GPN2: variants seen among roughly 807,000 people sequenced by gnomAD.
GPN2 encodes the protein GPN-loop GTPase 2.
In GPN2, 27 loss-of-function variants were observed where a neutral mutation model predicts 30.1. That is an observed-to-expected ratio of 0.90 (90% CI 0.66 to 1.24). The LOEUF (loss-of-function observed/expected upper bound fraction) is 1.24, where lower values mean the gene tolerates loss of function less well. Ranked by LOEUF, GPN2 falls within the 50% of genes most tolerant of loss-of-function variation. The probability of loss-of-function intolerance (pLI) is 0.00; values close to 1 mark genes in which losing one functional copy is unlikely to be tolerated. For synonymous variants in GPN2, 212 were observed against 174.4 expected (o/e 1.22, Z -1.70); for missense variants, 406 against 405.4 (o/e 1.00, Z -0.01).
chr1:26,884,621 G>A (rs1418616402), intron 3 of GPN2, among the ~76,000 whole-genome samples: 1 of 152,140 alleles, frequency 6.6e-6, no homozygotes, highest in Non-Finnish European at 1.5e-5. Context: ...GTCATCTGTC[G>A]CAGTATTCCC....
chr1:26,884,938 C>T lies in GPN2; in HGVS notation c.730-648G>A, dbSNP rs552495107. On this transcript the variant is annotated intron_variant, in intron 3 of 4. Coordinates refer to ENST00000374135, the MANE Select transcript of GPN2 (RefSeq NM_018066.4). ...CAGAGGTTGCAGTGAGCCAAGATAACGCACTGCACTCCAGCCTGGGTGACA... is the reference window on the plus strand; with the variant it reads ...CAGAGGTTGCAGTGAGCCAAGATAATGCACTGCACTCCAGCCTGGGTGACA... Among the ~76,000 whole-genome samples, 4 of 152,144 alleles carry T rather than the reference C, an allele frequency of 2.6e-5. No homozygotes were observed. The South Asian group carries it at 6.2e-4, about 24-fold the overall frequency.
chr1:26,882,090 G>A (rs768372964), intron 4 of GPN2, among the ~76,000 whole-genome samples: 4 of 151,864 alleles, frequency 2.6e-5, no homozygotes, highest in Admixed American at 6.6e-5. Context: ...GGTGGCGGGC[G>A]CCTATTATCC....
chr1:26,878,765 A>T lies in GPN2; in HGVS notation c.*912T>A, dbSNP rs554595065. On this transcript the variant is annotated 3_prime_UTR_variant, in exon 5 of 5. Coordinates refer to ENST00000374135, the MANE Select transcript of GPN2 (RefSeq NM_018066.4). ...ACGCGCCACCTATGCCCAGCTAATT[A>T]AAAAAATTTTTTGGTAGAGATGGGG... The T allele has an allele frequency of 6.6e-6, 1 of 151,466 alleles. No individual in the cohort carries two copies. Among genetic ancestry groups the T allele is most frequent in the South Asian group, 2.1e-4 (1 of 4,798 alleles). The allele number at this position is 151,466 out of a possible 1,614,324, so 9.4% of individuals were successfully genotyped here.
Position 26,881,775 on chromosome 1 carries a change from G to A in GPN2, c.861-2026C>T, listed in dbSNP as rs557335410. Among the ~76,000 whole-genome samples the A allele has an allele frequency of 4.6e-5, 7 of 152,212 alleles. No individual in the cohort carries two copies. The East Asian group carries it at 9.7e-4, about 21-fold the overall frequency. On this transcript the variant is annotated intron_variant, in intron 4 of 4. Transcript: ENST00000374135. The stretch of plus-strand genomic sequence containing the variant: ...TAAACTGCCCTTCCCAGCTGGGGAC[G>A]ATGGCTCATGCCTGTGATCCCAGCA...
Position 26,890,171 on chromosome 1 carries a change from G to C in GPN2, c.-75C>G, listed in dbSNP as rs1178077865. 3 of 1,293,520 alleles carry C rather than the reference G, an allele frequency of 2.3e-6. No homozygotes were observed. Among genetic ancestry groups the C allele is most frequent in the Non-Finnish European group, 3.1e-6 (3 of 968,228 alleles). The allele number at this position is 1,293,520 out of a possible 1,614,324, so 80.1% of individuals were successfully genotyped here. A position where few individuals can be genotyped will look rare whatever the true frequency, so the allele number is the denominator to read the frequency against. The stretch of plus-strand genomic sequence containing the variant: ...GTAGCCGCGCCGGAGACGAGACTGA[G>C]GGCGAGGGTCCCAGTACGTATACCT... On this transcript the variant is annotated 5_prime_UTR_variant, in exon 1 of 5. Coordinates refer to ENST00000374135, the MANE Select transcript of GPN2 (RefSeq NM_018066.4).
At position 26,889,389 on chromosome 1, in the gene GPN2, C is replaced by T. The variant is rs141268817; in HGVS notation, c.412-264G>A. On this transcript the variant is annotated intron_variant, in intron 1 of 4. Transcript: ENST00000374135. Reference sequence around the variant, plus strand: ...ACTCCACTCTTTCATTTACTTTTGCCCACCAATTTACAACAATCTCCATGC... The same window carrying T: ...ACTCCACTCTTTCATTTACTTTTGCTCACCAATTTACAACAATCTCCATGC... Among the ~76,000 whole-genome samples the T allele has an allele frequency of 2.8e-4, 42 of 152,234 alleles. 1 individual carries two copies. In the East Asian group the frequency reaches 6.0e-3, roughly 22 times the overall value.
At chr1:26,879,807 G>T in intron 4 of GPN2, 58 bp from the exon 5 acceptor site, 1 of 1,222,224 alleles carries the variant, frequency 8.2e-7, no homozygotes, top group Non-Finnish European at 1.2e-6. Flanking sequence ...GCTGGTCTGG[G>T]CAGGATCTGA....
rs1345251960 is a variant in GPN2 at position 26,890,112 on chromosome 1, C to G, written c.-16G>C. 1.3e-6 allele frequency: 2 copies of G among 1,497,606 alleles called. No individual in the cohort carries two copies. Among genetic ancestry groups the G allele is most frequent in the Non-Finnish European group, 1.8e-6 (2 of 1,130,788 alleles). 92.8% of individuals were successfully genotyped at this position (1,497,606 alleles called of 1,614,324 possible). A position where few individuals can be genotyped will look rare whatever the true frequency, so the allele number is the denominator to read the frequency against. ...CCCCTGCCATTGGCGGCCCGCGGCCCGGAGCAGGTCAACTCACAGGGAAAA... is the reference window on the plus strand; with the variant it reads ...CCCCTGCCATTGGCGGCCCGCGGCCGGGAGCAGGTCAACTCACAGGGAAAA... On this transcript the variant is annotated 5_prime_UTR_variant, in exon 1 of 5. Coordinates refer to ENST00000374135, the MANE Select transcript of GPN2 (RefSeq NM_018066.4).
At chr1:26,882,460 C>A (rs1297333104) in intron 4 of GPN2, among the ~76,000 whole-genome samples, 5 of 152,160 alleles carry the variant, frequency 3.3e-5, no homozygotes, top group African/African-American at 9.7e-5. Context: ...CTCCTTAGTA[C>A]CTTCATCAGG....
chr1:26,883,899 G>A (rs942494195), intron 4 of GPN2, among the ~76,000 whole-genome samples: 2 of 151,994 alleles, frequency 1.3e-5, no homozygotes, highest in African/African-American at 2.4e-5. Context: ...AATTAGCTGG[G>A]CGTGGTGGTG....
At chr1:26,879,879 C>T (rs886350397) in intron 4 of GPN2, 130 bp from the exon 5 acceptor site, 7 of 682,200 alleles carry the variant, frequency 1.0e-5, no homozygotes, top group Non-Finnish European at 1.6e-5. Context: ...TTATAGGGAC[C>T]AATCAGGTAT....
At chr1:26,888,561 T>C (rs915382415) in intron 2 of GPN2, among the ~76,000 whole-genome samples, 1 of 152,238 alleles carries the variant, frequency 6.6e-6, no homozygotes, top group Non-Finnish European at 1.5e-5. Flanking sequence ...CTTCTCACCA[T>C]TCATGTCTCA....
chr1:26,884,312 A>C, intron 3 of GPN2, 22 bp from the exon 4 acceptor site: 1 of 1,591,440 alleles, frequency 6.3e-7, no homozygotes, highest in Non-Finnish European at 8.5e-7. Context: ...GGAGAGAAAC[A>C]GTTCTGTGAG....
Position 26,890,038 on chromosome 1 carries a change from G to T in GPN2, c.59C>A (p.Ser20Ter). Residue 20 changes from serine to a stop codon, truncating the protein, a stop_gained, in exon 1 of 5, where the codon TCA becomes TAA. Coordinates refer to ENST00000374135, the MANE Select transcript of GPN2 (RefSeq NM_018066.4). LOFTEE classifies it high-confidence loss of function. The stretch of plus-strand genomic sequence containing the variant: ...GCCCAGGCAGTACGTGGTCTTCCCT[G>T]AGCCCGGCGGGCCGATCACCGCCTG... ...FGQAVIGPPGSGKTTYCLGMS... is the reference protein window; with the variant it reads ...FGQAVIGPPG The T allele has an allele frequency of 4.4e-6, 7 of 1,589,898 alleles. No individual in the cohort carries two copies. Among genetic ancestry groups the T allele is most frequent in the Non-Finnish European group, 6.0e-6 (7 of 1,174,308 alleles).
At position 26,879,671 on chromosome 1, in the gene GPN2, T is replaced by C. The variant is rs759965008; in HGVS notation, c.*6A>G. The C allele has an allele frequency of 6.2e-6, 10 of 1,609,350 alleles. No individual in the cohort carries two copies. The highest frequency in any genetic ancestry group is 2.2e-5 in the East Asian group (1 of 44,884). ...TGCATCCTGCTCTCCAGGGTCCACCTTGTTGCTACAGCTGCATGGCTTCCT... is the reference window on the plus strand; with the variant it reads ...TGCATCCTGCTCTCCAGGGTCCACCCTGTTGCTACAGCTGCATGGCTTCCT... On this transcript the variant is annotated 3_prime_UTR_variant, in exon 5 of 5. Transcript: ENST00000374135.
intron 2 of GPN2, chr1:26,886,408 CA>C (rs1312899602): frequency 9.8e-6 from 5 of 509,398 alleles, no homozygotes; most frequent in East Asian, 1.1e-4. Flanking sequence ...TCAATAACTG[CA>C]AACAGGCTGG....
intron 4 of GPN2, among the ~76,000 whole-genome samples, chr1:26,883,486 T>C (rs753940315): frequency 6.6e-6 from 1 of 152,126 alleles, no homozygotes; most frequent in African/African-American, 2.4e-5. Context: ...AACTGATCAA[T>C]ATGAAATCAG....
In GPN2 at chr1:26,878,013, CAGAG is replaced by C. The variant is rs996553601; in HGVS notation, c.*1660_*1663del. 10 of 152,284 alleles carry C rather than the reference CAGAG, an allele frequency of 6.6e-5. No homozygotes were observed. The highest frequency in any genetic ancestry group is 2.4e-4 in the African/African-American group (10 of 41,560). 9.4% of individuals were successfully genotyped at this position (152,284 alleles called of 1,614,324 possible). ...TGCCACTGGACTCCAGCCTGGGCGA[CAGAG>C]AGAGACTTTGTCTCCAAAAAAAGAA... On this transcript the variant is annotated 3_prime_UTR_variant, in exon 5 of 5. Transcript: ENST00000374135.
intron 2 of GPN2, among the ~76,000 whole-genome samples, chr1:26,887,568 T>C (rs970378274): frequency 4.9e-4 from 74 of 152,096 alleles, no homozygotes; most frequent in Non-Finnish European, 9.3e-4. Context: ...GTACTAATTT[T>C]TTTTTTTTTT....
Sources: gnomAD v4.1 joint callset for allele counts (sites outside exome capture counted in the v4.1 genomes callset) on GRCh38, gnomAD v4.1.1 for gene constraint, MANE v1.5 for transcripts, NCBI Gene and HGNC (gene_info 2026-07-23, HGNC 2026-07-21) for gene names.